KCNJ6: variants seen among roughly 807,000 people sequenced by gnomAD.
KCNJ6 encodes potassium inwardly rectifying channel subfamily J member 6.
A neutral mutation model predicts 34.2 loss-of-function variants in KCNJ6; 9 were observed. The observed-to-expected ratio is 0.26, with a 90% CI of 0.16 to 0.46. The LOEUF is 0.46. KCNJ6 is among the 20% of genes least tolerant of loss of function. KCNJ6 has a pLI of 1.00. For synonymous variants in KCNJ6, 196 were observed against 207.1 expected, an observed-to-expected ratio of 0.95 and a Z score of 0.46; for missense variants, 236 against 531.3, an observed-to-expected ratio of 0.44 and a Z score of 5.46.
At chr21:37,769,626 G>C (rs2055108517) in intron 2 of KCNJ6, among the ~76,000 whole-genome samples, 1 of 151,664 alleles carries the variant, frequency 6.6e-6, no homozygotes, top group South Asian at 2.1e-4. Context: ...GAAAAATGCT[G>C]CAAGTTACGG....
Position 37,745,906 on chromosome 21 carries a change from C to G in KCNJ6, c.26-30775G>C, listed in dbSNP as rs150448486. On this transcript the variant is annotated intron_variant, in intron 2 of 3. Transcript: ENST00000609713. ...GGCAGCCGTGACAAAGTACCACCAA[C>G]TGGTGGCTTAAATAACAAACTTTTG... Among the ~76,000 whole-genome samples, 53 of 152,338 alleles carry G rather than the reference C, an allele frequency of 3.5e-4. No individual in the cohort carries two copies. In the East Asian group the frequency reaches 0.01, roughly 29 times the overall value.
intron 2 of KCNJ6, among the ~76,000 whole-genome samples, chr21:37,754,907 C>T (rs751842253): frequency 2.8e-4 from 42 of 152,116 alleles, no homozygotes; most frequent in Admixed American, 4.6e-4. Context: ...AAGGCTAAGC[C>T]GCAGTGCAGC....
At chr21:37,790,100 T>G (rs946040831) in intron 2 of KCNJ6, among the ~76,000 whole-genome samples, 9 of 152,310 alleles carry the variant, frequency 5.9e-5, no homozygotes, top group Non-Finnish European at 8.8e-5. Flanking sequence ...TGGGTCAGAC[T>G]CAAGTGGTCC....
intron 3 of KCNJ6, among the ~76,000 whole-genome samples, chr21:37,665,740 C>A (rs1178793306): frequency 6.6e-6 from 1 of 152,242 alleles, no homozygotes; most frequent in Non-Finnish European, 1.5e-5. Flanking sequence ...GTATCACAGA[C>A]AATTTTTGTA....
chr21:37,771,609 G>C (rs919657030), intron 2 of KCNJ6, among the ~76,000 whole-genome samples: 1 of 152,184 alleles, frequency 6.6e-6, no homozygotes, highest in African/African-American at 2.4e-5. Context: ...TGGTCCACCA[G>C]AGCCCCTGTA....
chr21:37,750,207 A>G (rs950084603), intron 2 of KCNJ6, among the ~76,000 whole-genome samples: 1 of 152,248 alleles, frequency 6.6e-6, no homozygotes, highest in African/African-American at 2.4e-5. Flanking sequence ...TAGAATGGCA[A>G]TCATTAAAAA....
intron 1 of KCNJ6, among the ~76,000 whole-genome samples, chr21:37,886,790 C>T (rs550361730): frequency 1.3e-5 from 2 of 152,278 alleles, no homozygotes; most frequent in South Asian, 4.1e-4. Flanking sequence ...CTCTGGCTTC[C>T]ACTTTTTGAG....
chr21:37,861,214 A>G (rs550605645), intron 1 of KCNJ6, among the ~76,000 whole-genome samples: 8 of 152,160 alleles, frequency 5.3e-5, no homozygotes, highest in Non-Finnish European at 8.8e-5. Flanking sequence ...AGTACCACAA[A>G]CTGGAGGGCT....
At chr21:37,723,848 C>A in intron 2 of KCNJ6, among the ~76,000 whole-genome samples, 1 of 152,114 alleles carries the variant, frequency 6.6e-6, no homozygotes. Context: ...GTACTCCAAA[C>A]CTCAGCATCA....
At chr21:37,739,399 G>A (rs901819327) in intron 2 of KCNJ6, among the ~76,000 whole-genome samples, 1 of 152,146 alleles carries the variant, frequency 6.6e-6, no homozygotes, top group Non-Finnish European at 1.5e-5. Context: ...TCCCTTGGTT[G>A]GCTTAAGTCA....
At chr21:37,816,112 G>A (rs969956147) in intron 2 of KCNJ6, among the ~76,000 whole-genome samples, 3 of 152,222 alleles carry the variant, frequency 2.0e-5, no homozygotes, top group Admixed American at 1.3e-4. Flanking sequence ...AGCAGTGTCA[G>A]CGGCATCCCT....
intron 1 of KCNJ6, among the ~76,000 whole-genome samples, chr21:37,915,001 C>T (rs927462927): frequency 6.6e-6 from 1 of 151,770 alleles, no homozygotes; most frequent in Non-Finnish European, 1.5e-5. Flanking sequence ...CCACTAACCT[C>T]ACCCTCTGTG....
chr21:37,626,734 A>G (rs1295232830), intron 3 of KCNJ6, among the ~76,000 whole-genome samples: 1 of 152,194 alleles, frequency 6.6e-6, no homozygotes, highest in East Asian at 1.9e-4. Flanking sequence ...CTTCTCCATT[A>G]GGCAAAAAGG....
intron 2 of KCNJ6, among the ~76,000 whole-genome samples, chr21:37,780,546 T>C (rs1345215618): frequency 6.6e-6 from 1 of 151,902 alleles, no homozygotes; most frequent in Non-Finnish European, 1.5e-5. Flanking sequence ...ATGCAAGATG[T>C]TAGTAATGGG....
chr21:37,612,804 G>C lies in KCNJ6; in HGVS notation c.*12355C>G, dbSNP rs79531463. On this transcript the variant is annotated 3_prime_UTR_variant, in exon 4 of 4. Transcript: ENST00000609713. Reference sequence around the variant, plus strand: ...AAAAATTAACTCAAAATCGGTCACAGATCTAATGTAAAATGCAAAACTATA... The same window carrying C: ...AAAAATTAACTCAAAATCGGTCACACATCTAATGTAAAATGCAAAACTATA... The C allele has an allele frequency of 5.4e-5, 8 of 148,360 alleles. No homozygotes were observed. In the East Asian group the frequency reaches 1.4e-3, roughly 25 times the overall value. The allele number at this position is 148,360 out of a possible 1,614,324, so 9.2% of individuals were successfully genotyped here.
chr21:37,815,791 A>G (rs2055343915), intron 2 of KCNJ6, among the ~76,000 whole-genome samples: 1 of 152,222 alleles, frequency 6.6e-6, no homozygotes, highest in Admixed American at 6.5e-5. Context: ...GGAGGCTGAT[A>G]AAAGCTTTGA....
chr21:37,892,706 T>C (rs2055767982), intron 1 of KCNJ6, among the ~76,000 whole-genome samples: 1 of 152,180 alleles, frequency 6.6e-6, no homozygotes. Flanking sequence ...GGGCTTAGGA[T>C]GTCTATGGCA....
chr21:37,735,599 T>C (rs2054908670), intron 2 of KCNJ6, among the ~76,000 whole-genome samples: 1 of 152,174 alleles, frequency 6.6e-6, no homozygotes, highest in Admixed American at 6.5e-5. Flanking sequence ...CTCCACCCCA[T>C]AGACTCCATG....
At chr21:37,844,573 C>T (rs113295097) in intron 1 of KCNJ6, among the ~76,000 whole-genome samples, 1 of 151,948 alleles carries the variant, frequency 6.6e-6, no homozygotes, top group African/African-American at 2.4e-5. Context: ...GAGCCAGGGC[C>T]CCTGGACCGA....
Sources: allele counts gnomAD v4.1 joint callset (sites outside exome capture counted in the v4.1 genomes callset), GRCh38; gene constraint gnomAD v4.1.1; transcripts MANE v1.5; gene names NCBI Gene and HGNC (gene_info 2026-07-23, HGNC 2026-07-21).